Variants in TRAM2 observed in about 807,000 individuals in gnomAD.
TRAM2 encodes the protein translocation associated membrane protein 2.
Under a neutral mutation model 51.0 loss-of-function variants are expected in TRAM2, and 12 were observed. That is an observed-to-expected ratio of 0.24 (90% CI 0.15 to 0.38). The LOEUF is 0.38. Among genes scored for constraint, TRAM2 ranks in the 10% least tolerant of loss-of-function variants. The pLI is 1.00. For missense variants in TRAM2, 361 were observed against 462.0 expected, an observed-to-expected ratio of 0.78 and a Z score of 2.00; for synonymous variants, 175 against 179.4, an observed-to-expected ratio of 0.98 and a Z score of 0.20.
At chr6:52,550,907 C>G (rs1003200216) in intron 1 of TRAM2, among the ~76,000 whole-genome samples, 1 of 152,216 alleles carries the variant, frequency 6.6e-6, no homozygotes. Context: ...ATCCTCCACA[C>G]ACATCCTGGT....
At chr6:52,552,796 T>C (rs1220018114) in intron 1 of TRAM2, among the ~76,000 whole-genome samples, 1 of 152,210 alleles carries the variant, frequency 6.6e-6, no homozygotes, top group Non-Finnish European at 1.5e-5. Flanking sequence ...ACATAGTGCA[T>C]GATTAACTCC....
At chr6:52,530,776 G>C (rs796654282) in intron 2 of TRAM2, among the ~76,000 whole-genome samples, 30 of 152,272 alleles carry the variant, frequency 2.0e-4, no homozygotes, top group African/African-American at 7.0e-4. Context: ...CGCTGGGATG[G>C]TAAATTTCTA....
chr6:52,531,613 G>A (rs1766893540), intron 2 of TRAM2, among the ~76,000 whole-genome samples: 1 of 152,168 alleles, frequency 6.6e-6, no homozygotes, highest in Non-Finnish European at 1.5e-5. Context: ...ACAGTTACTA[G>A]AACCCCCTGA....
chr6:52,562,787 C>A (rs1767522127), intron 1 of TRAM2, among the ~76,000 whole-genome samples: 1 of 152,122 alleles, frequency 6.6e-6, no homozygotes, highest in African/African-American at 2.4e-5. Flanking sequence ...TCAACTCCAA[C>A]TTATGAGAAC....
chr6:52,565,414 G>A (rs891987742), intron 1 of TRAM2, among the ~76,000 whole-genome samples: 1 of 152,154 alleles, frequency 6.6e-6, no homozygotes, highest in African/African-American at 2.4e-5. Context: ...AGTGACGGCT[G>A]CGGGCTTCGG....
chr6:52,562,019 GTATCATACACTTT>G (rs1767510695), intron 1 of TRAM2, among the ~76,000 whole-genome samples: 1 of 91,998 alleles, frequency 1.1e-5, no homozygotes. Context: ...AAAAATCACT[GTATCATACACTTT>G]AAAATGGTAA....
intron 1 of TRAM2, among the ~76,000 whole-genome samples, chr6:52,549,028 G>A (rs559975687): frequency 6.6e-6 from 1 of 152,278 alleles, no homozygotes; most frequent in South Asian, 2.1e-4. Context: ...GTGAGGGTTA[G>A]AACAGAATCA....
At chr6:52,548,038 C>T (rs1168752132) in intron 1 of TRAM2, among the ~76,000 whole-genome samples, 1 of 152,240 alleles carries the variant, frequency 6.6e-6, no homozygotes, top group Non-Finnish European at 1.5e-5. Flanking sequence ...GCTGGTAAGG[C>T]ACTTTCACAC....
chr6:52,568,607 T>A, intron 1 of TRAM2, among the ~76,000 whole-genome samples: 1 of 152,200 alleles, frequency 6.6e-6, no homozygotes, highest in East Asian at 1.9e-4. Context: ...CAGACTGCTC[T>A]TAACCTTCAT....
At chr6:52,540,549 A>G (rs1284329279) in intron 1 of TRAM2, among the ~76,000 whole-genome samples, 1 of 152,136 alleles carries the variant, frequency 6.6e-6, no homozygotes, top group Non-Finnish European at 1.5e-5. Context: ...ACTAGTCAAG[A>G]GCAGACTTAC....
intron 4 of TRAM2, among the ~76,000 whole-genome samples, chr6:52,510,008 C>T (rs919481841): frequency 2.6e-5 from 4 of 152,108 alleles, no homozygotes; most frequent in Non-Finnish European, 4.4e-5. Context: ...GGCATGCAGG[C>T]GCTCAGGAAA....
At chr6:52,549,579 A>G (rs1767273234) in intron 1 of TRAM2, among the ~76,000 whole-genome samples, 1 of 152,238 alleles carries the variant, frequency 6.6e-6, no homozygotes, top group Admixed American at 6.5e-5. Context: ...GAAACAGTCA[A>G]GAAAGCCATT....
intron 1 of TRAM2, among the ~76,000 whole-genome samples, chr6:52,565,204 A>G (rs1767569085): frequency 6.6e-6 from 1 of 152,190 alleles, no homozygotes; most frequent in Non-Finnish European, 1.5e-5. Context: ...ACAATCTGTG[A>G]CAGCTATGAG....
At chr6:52,542,375 G>A (rs1207983419) in intron 1 of TRAM2, among the ~76,000 whole-genome samples, 10 of 151,820 alleles carry the variant, frequency 6.6e-5, no homozygotes, top group Non-Finnish European at 1.0e-4. Flanking sequence ...TGTGATGGAC[G>A]TGGGTTTGCA....
intron 4 of TRAM2, among the ~76,000 whole-genome samples, chr6:52,515,358 T>C (rs1296812147): frequency 6.6e-6 from 1 of 152,242 alleles, no homozygotes; most frequent in Non-Finnish European, 1.5e-5. Flanking sequence ...GGAATTTTGC[T>C]GTATCAAAGG....
chr6:52,508,287 G>C lies in TRAM2; in HGVS notation c.502C>G (p.Leu168Val). ...FQVKFFYLCQ[L>V]AYWLHALPEL... Reference sequence around the variant, plus strand: ...GGAAGTGCGTGCAGCCAGTAGGCCAGCTGGCATAGGTAGAAAAACTTCACC... The same window carrying C: ...GGAAGTGCGTGCAGCCAGTAGGCCACCTGGCATAGGTAGAAAAACTTCACC... The change falls in exon 6 of 11, where the codon CTG becomes GTG. Residue 168 changes from leucine (L) to valine (V), a missense_variant. Transcript: ENST00000182527. 1 of 1,613,992 alleles carries C rather than the reference G, an allele frequency of 6.2e-7. No homozygotes were observed. The highest frequency in any genetic ancestry group is 8.5e-7 in the Non-Finnish European group (1 of 1,180,024).
chr6:52,509,278 A>G (rs1181631809), intron 5 of TRAM2, among the ~76,000 whole-genome samples: 2 of 152,188 alleles, frequency 1.3e-5, no homozygotes, highest in Non-Finnish European at 2.9e-5. Context: ...TCTGCTTCTG[A>G]ATCTGTCTCA....
chr6:52,511,962 G>A (rs1278814992), intron 4 of TRAM2, among the ~76,000 whole-genome samples: 5 of 152,058 alleles, frequency 3.3e-5, no homozygotes, highest in African/African-American at 4.8e-5. Context: ...GGCGTGTGTG[G>A]TGGCGGTGAC....
intron 1 of TRAM2, among the ~76,000 whole-genome samples, chr6:52,569,443 T>A (rs1005952460): frequency 5.3e-5 from 8 of 151,106 alleles, no homozygotes; most frequent in Non-Finnish European, 1.0e-4. Context: ...ACCAAATCTA[T>A]GGCATTTTTG....
Sources: allele counts gnomAD v4.1 joint callset (sites outside exome capture counted in the v4.1 genomes callset), GRCh38; gene constraint gnomAD v4.1.1; transcripts MANE v1.5; gene names NCBI Gene and HGNC (gene_info 2026-07-23, HGNC 2026-07-21).